Variants in ZMAT4 observed in about 807,000 individuals in gnomAD.
The protein encoded by ZMAT4 is zinc finger matrin-type 4.
Under a neutral mutation model 28.7 loss-of-function variants are expected in ZMAT4, and 17 were observed. The ratio of observed to expected loss-of-function variants is 0.59; its 90% confidence interval spans 0.41 to 0.89. ZMAT4 has a LOEUF of 0.89. Ranked by LOEUF, ZMAT4 falls within the 40% of genes least tolerant of loss-of-function variation. The probability of loss-of-function intolerance (pLI) is 0.00; values close to 1 mark genes in which losing one functional copy is unlikely to be tolerated. For missense variants in ZMAT4, 240 were observed against 283.8 expected, an observed-to-expected ratio of 0.85 and a Z score of 1.11; for synonymous variants, 117 against 109.2, an observed-to-expected ratio of 1.07 and a Z score of -0.44.
intron 4 of ZMAT4, among the ~76,000 whole-genome samples, chr8:40,695,903 A>G (rs974070268): frequency 6.7e-6 from 1 of 149,586 alleles, no homozygotes; most frequent in Non-Finnish European, 1.5e-5. Context: ...TAACAGTAAT[A>G]TTCTGCTTCA....
intron 3 of ZMAT4, among the ~76,000 whole-genome samples, chr8:40,747,323 G>A (rs576212803): frequency 6.6e-5 from 10 of 152,086 alleles, no homozygotes; most frequent in South Asian, 6.2e-4. Context: ...TACATGACTC[G>A]CCCATGATCT....
At chr8:40,829,523 G>A (rs1016575777) in intron 1 of ZMAT4, among the ~76,000 whole-genome samples, 53 of 152,184 alleles carry the variant, frequency 3.5e-4, no homozygotes, top group African/African-American at 1.2e-3. Flanking sequence ...AATAAAGGAA[G>A]CATCAAGGAG....
intron 1 of ZMAT4, among the ~76,000 whole-genome samples, chr8:40,847,946 T>A (rs929557067): frequency 1.3e-5 from 2 of 152,172 alleles, no homozygotes; most frequent in African/African-American, 4.8e-5. Flanking sequence ...AAAGCACACA[T>A]GATGTGTCCT....
chr8:40,733,047 G>A (rs187057443), intron 3 of ZMAT4, among the ~76,000 whole-genome samples: 1 of 151,920 alleles, frequency 6.6e-6, no homozygotes, highest in East Asian at 1.9e-4. Context: ...GTCTTGCTAT[G>A]TTGCCCAGGC....
chr8:40,844,698 T>TGTGTGTG (rs398007580), intron 1 of ZMAT4, among the ~76,000 whole-genome samples: 1 of 146,598 alleles, frequency 6.8e-6, no homozygotes, highest in Admixed American at 6.9e-5. Context: ...TGTGTGTGTG[T>TGTGTGTG]TCTGTTTTTC....
intron 5 of ZMAT4, among the ~76,000 whole-genome samples, chr8:40,633,014 C>G (rs1278531257): frequency 6.6e-6 from 1 of 152,168 alleles, no homozygotes; most frequent in East Asian, 1.9e-4. Flanking sequence ...CCTCTTTTGC[C>G]TTTCTGTGGA....
At chr8:40,795,572 G>C (rs1814562342) in intron 2 of ZMAT4, among the ~76,000 whole-genome samples, 1 of 152,148 alleles carries the variant, frequency 6.6e-6, no homozygotes, top group Non-Finnish European at 1.5e-5. Flanking sequence ...TTTATGTTTT[G>C]ACTGGCTGTA....
At chr8:40,594,923 A>G (rs1161823419) in intron 5 of ZMAT4, among the ~76,000 whole-genome samples, 1 of 152,164 alleles carries the variant, frequency 6.6e-6, no homozygotes, top group Non-Finnish European at 1.5e-5. Flanking sequence ...ACATTTTTTG[A>G]AAACATGGAA....
intron 2 of ZMAT4, among the ~76,000 whole-genome samples, chr8:40,820,251 TGTGA>T (rs1359375253): frequency 6.6e-6 from 1 of 151,310 alleles, no homozygotes; most frequent in Non-Finnish European, 1.5e-5. Context: ...TGCGCATATA[TGTGA>T]GTATTGGTGT....
intron 5 of ZMAT4, among the ~76,000 whole-genome samples, chr8:40,619,898 T>C (rs918690158): frequency 6.6e-6 from 1 of 152,150 alleles, no homozygotes; most frequent in African/African-American, 2.4e-5. Flanking sequence ...GGGTCAATAA[T>C]GTCTTTTTCA....
intron 1 of ZMAT4, among the ~76,000 whole-genome samples, chr8:40,852,954 C>CA (rs887518316): frequency 4.1e-4 from 61 of 149,564 alleles, no homozygotes; most frequent in Middle Eastern, 6.8e-3. Context: ...TTATCACGGG[C>CA]AAAAAAAAAT....
At chr8:40,564,658 C>A (rs1803856339) in intron 6 of ZMAT4, among the ~76,000 whole-genome samples, 1 of 152,152 alleles carries the variant, frequency 6.6e-6, no homozygotes, top group East Asian at 1.9e-4. Flanking sequence ...ACTGTTGCAG[C>A]CTGTTCCACT....
At chr8:40,638,554 C>G (rs1806882768) in intron 5 of ZMAT4, among the ~76,000 whole-genome samples, 1 of 152,204 alleles carries the variant, frequency 6.6e-6, no homozygotes, top group East Asian at 1.9e-4. Context: ...TTATAAGGAA[C>G]AGTGTTCAGA....
chr8:40,699,739 G>A (rs147085374), intron 3 of ZMAT4, among the ~76,000 whole-genome samples: 3 of 152,150 alleles, frequency 2.0e-5, no homozygotes, highest in Admixed American at 6.5e-5. Context: ...AACTACTTAC[G>A]CATGACATAG....
intron 3 of ZMAT4, among the ~76,000 whole-genome samples, chr8:40,715,145 C>T (rs1337335886): frequency 2.0e-5 from 3 of 150,648 alleles, no homozygotes; most frequent in Non-Finnish European, 2.9e-5. Flanking sequence ...AAGTGAGGAA[C>T]TGGGGAACAG....
chr8:40,781,753 C>T (rs1427442866), intron 2 of ZMAT4, among the ~76,000 whole-genome samples: 2 of 72,196 alleles, frequency 2.8e-5, no homozygotes, highest in Non-Finnish European at 2.7e-5. Flanking sequence ...CAGAGCGAGA[C>T]TCCGTCTCAA....
chr8:40,684,582 C>T (rs1219869845), intron 4 of ZMAT4, among the ~76,000 whole-genome samples: 1 of 152,202 alleles, frequency 6.6e-6, no homozygotes, highest in African/African-American at 2.4e-5. Context: ...ATCCATACCC[C>T]GTGCTCAGGG....
chr8:40,725,169 A>C (rs947573616), intron 3 of ZMAT4, among the ~76,000 whole-genome samples: 52 of 151,940 alleles, frequency 3.4e-4, no homozygotes, highest in African/African-American at 1.2e-3. Context: ...GACACCTGTA[A>C]GTGTGTTTAT....
intron 6 of ZMAT4, among the ~76,000 whole-genome samples, chr8:40,576,890 G>T (rs2198196): frequency 0.35 from 52,889 of 151,990 alleles, 11,117 homozygotes; most frequent in East Asian, 0.71. Flanking sequence ...AGGAAAGAAA[G>T]TCAGTGTATT....
Sources: allele counts gnomAD v4.1 joint callset (sites outside exome capture counted in the v4.1 genomes callset), GRCh38; gene constraint gnomAD v4.1.1; transcripts MANE v1.5; gene names NCBI Gene and HGNC (gene_info 2026-07-23, HGNC 2026-07-21).